Variants in SORL1 observed in about 807,000 individuals in gnomAD.
SORL1 encodes sortilin-related receptor.
SORL1 carries 127 observed loss-of-function variants against 273.7 expected under a neutral mutation model. The ratio of observed to expected loss-of-function variants is 0.46; its 90% CI spans 0.40 to 0.54. The LOEUF (loss-of-function observed/expected upper bound fraction) is 0.54. SORL1 is among the 20% of genes least tolerant of loss of function. The probability of loss-of-function intolerance (pLI) is 0.00; values close to 1 mark genes in which losing one functional copy is unlikely to be tolerated. For missense variants in SORL1, 2,494 were observed against 2,846.1 expected, an observed-to-expected ratio of 0.88 and a Z score of 2.81; for synonymous variants, 1,031 against 1,067.4, an observed-to-expected ratio of 0.97 and a Z score of 0.66.
At chr11:121,568,135 C>A (rs2134923607) in intron 22 of SORL1, among the ~76,000 whole-genome samples, 1 of 152,322 alleles carries the variant, frequency 6.6e-6, no homozygotes, top group African/African-American at 2.4e-5. Context: ...GATCCTCCCT[C>A]CTCTGCCTCC....
At position 121,452,580 on chromosome 11, in the gene SORL1, T is replaced by C; in HGVS notation, c.249T>C (p.Ala83=). 1.3e-6 allele frequency: 2 copies of C among 1,522,896 alleles called. No homozygotes were observed. The highest frequency in any genetic ancestry group is 1.8e-6 in the Non-Finnish European group (2 of 1,142,816). 94.3% of individuals were successfully genotyped at this position (1,522,896 alleles called of 1,614,324 possible). The change falls in exon 1 of 48, where the codon GCT becomes GCC. Residue 83 remains alanine (A), a synonymous_variant. Coordinates refer to ENST00000260197, the MANE Select transcript of SORL1 (RefSeq NM_003105.6). This position sits in a 1 kb window ranked among gnomAD's most constrained non-coding sequence, Gnocchi z 5.3. ...DEKPLRRKRS[A]ALQPEPIKVY... ...AGCCGCTCCGGAGGAAACGGAGCGC[T>C]GCCCTGCAGCCCGAGCCCATCAAGG...
intron 38 of SORL1, chr11:121,610,204 G>T (rs1322605017): frequency 1.3e-5 from 2 of 152,182 alleles, no homozygotes; most frequent in Non-Finnish European, 2.9e-5. Context: ...GCAAGTTGTT[G>T]TTTAAATAAT....
At chr11:121,487,814 C>G (rs1356065684) in intron 3 of SORL1, among the ~76,000 whole-genome samples, 1 of 152,192 alleles carries the variant, frequency 6.6e-6, no homozygotes, top group Non-Finnish European at 1.5e-5. Flanking sequence ...ATCTCCAGGC[C>G]TCCTTTCGCT....
At chr11:121,465,401 C>A (rs900974197) in intron 1 of SORL1, among the ~76,000 whole-genome samples, 1 of 152,136 alleles carries the variant, frequency 6.6e-6, no homozygotes, top group Non-Finnish European at 1.5e-5. Context: ...CAAGCCCCCC[C>A]GCCAAAAATG....
At chr11:121,478,632 G>A (rs1414067761) in intron 3 of SORL1, among the ~76,000 whole-genome samples, 4 of 152,202 alleles carry the variant, frequency 2.6e-5, no homozygotes, top group Non-Finnish European at 4.4e-5. Context: ...GTGCTTATGC[G>A]TGCTTGTATG....
chr11:121,570,341 G>C (rs1023105784), intron 23 of SORL1, 71 bp downstream of exon 23: 12 of 1,179,458 alleles, frequency 1.0e-5, no homozygotes, highest in African/African-American at 1.5e-5. Flanking sequence ...CCCAGGCTGA[G>C]GGCCTAAGGT....
intron 28 of SORL1, 145 bp downstream of exon 28, chr11:121,588,296 C>A: frequency 1.3e-6 from 1 of 792,908 alleles, no homozygotes; most frequent in East Asian, 2.9e-5. Flanking sequence ...AGTTGCACCT[C>A]TATTTAGCTT....
At chr11:121,543,495 C>G in intron 12 of SORL1, 53 bp from the exon 13 acceptor site, 2 of 1,471,764 alleles carry the variant, frequency 1.4e-6, no homozygotes, top group African/African-American at 2.8e-5. Context: ...GGAAACCAAG[C>G]CTTTGCCTTA....
chr11:121,558,471 TA>T, intron 19 of SORL1, 119 bp from the exon 20 acceptor site: 1 of 1,013,224 alleles, frequency 9.9e-7, no homozygotes, highest in East Asian at 2.4e-5. Flanking sequence ...ATTGTTATAA[TA>T]ATGCTGAAAT....
chr11:121,581,528 C>G (rs1863015231), intron 25 of SORL1, among the ~76,000 whole-genome samples: 1 of 151,792 alleles, frequency 6.6e-6, no homozygotes. Flanking sequence ...TAAAGTCCAT[C>G]TCTTCCATCC....
intron 3 of SORL1, among the ~76,000 whole-genome samples, chr11:121,485,141 A>G (rs183946938): frequency 1.5e-4 from 23 of 152,328 alleles, no homozygotes; most frequent in Non-Finnish European, 2.6e-4. Flanking sequence ...GAATGAGGTT[A>G]TATGAGCGTA....
chr11:121,582,543 G>T (rs1863028010), intron 25 of SORL1, among the ~76,000 whole-genome samples: 1 of 152,246 alleles, frequency 6.6e-6, no homozygotes, highest in Admixed American at 6.5e-5. Context: ...AGGAGTGTTG[G>T]TTGGGTTGGA....
chr11:121,477,362 T>G (rs1453519562), intron 2 of SORL1, among the ~76,000 whole-genome samples: 1 of 152,188 alleles, frequency 6.6e-6, no homozygotes, highest in African/African-American at 2.4e-5. Flanking sequence ...AGAAGAAGAA[T>G]GAAGAATTAG....
intron 26 of SORL1, among the ~76,000 whole-genome samples, chr11:121,585,546 A>C (rs1201952401): frequency 6.9e-6 from 1 of 145,038 alleles, no homozygotes; most frequent in Non-Finnish European, 1.5e-5. Flanking sequence ...CACTTATCAA[A>C]ATGGAAATGT....
Position 121,563,740 on chromosome 11 carries a change from A to G in SORL1, c.3050-3200A>G, listed in dbSNP as rs1370646428. ...GGTATAACTGGAATTTATTCTTTGT[A>G]AAGTGTGTTTTTTCTTTAAAGAGGT... On this transcript the variant is annotated intron_variant, in intron 21 of 47. Transcript: ENST00000260197. This position sits in a 1 kb window ranked among gnomAD's most constrained non-coding sequence, Gnocchi z 4.2. Among the ~76,000 whole-genome samples, 2 of 152,192 alleles carry G rather than the reference A, an allele frequency of 1.3e-5. No homozygotes were observed. Among genetic ancestry groups the G allele is most frequent in the African/African-American group, 2.4e-5 (1 of 41,444 alleles).
chr11:121,523,613 TAA>T (rs755456803), intron 11 of SORL1, among the ~76,000 whole-genome samples: 4 of 141,806 alleles, frequency 2.8e-5, no homozygotes, highest in Admixed American at 7.1e-5. Flanking sequence ...TCCAAACTTG[TAA>T]AAAAAAAAAA....
chr11:121,554,661 A>AT lies in SORL1; in HGVS notation c.2440-521dup, dbSNP rs1284294788. Among the ~76,000 whole-genome samples the AT allele has an allele frequency of 6.6e-6, 1 of 152,134 alleles. No individual in the cohort carries two copies. Among genetic ancestry groups the AT allele is most frequent in the African/African-American group, 2.4e-5 (1 of 41,414 alleles). ...CCTTTTAGAAAAGCAATTCCAACAA[A>AT]TTTTTATCTAGATTCCAACCCAACA... On this transcript the variant is annotated intron_variant, in intron 17 of 47. Coordinates refer to ENST00000260197, the MANE Select transcript of SORL1 (RefSeq NM_003105.6). The surrounding 1 kb of genome is among the most constrained non-coding windows in gnomAD (Gnocchi z 4.6).
intron 6 of SORL1, among the ~76,000 whole-genome samples, chr11:121,497,271 C>G (rs575252928): frequency 6.6e-6 from 1 of 152,158 alleles, no homozygotes; most frequent in Non-Finnish European, 1.5e-5. Flanking sequence ...GACAAACACT[C>G]AAAGTGGCTC....
chr11:121,547,066 G>C (rs1354523976), intron 14 of SORL1: 1 of 152,136 alleles, frequency 6.6e-6, no homozygotes, highest in Non-Finnish European at 1.5e-5. Flanking sequence ...AAAAGCACAG[G>C]GCTGGCTGAT....
Sources: gnomAD v4.1 joint callset for allele counts (sites outside exome capture counted in the v4.1 genomes callset) on GRCh38, gnomAD v4.1.1 for gene constraint, Gnocchi (gnomAD v3.1) non-coding constraint, MANE v1.5 for transcripts, NCBI Gene and HGNC (gene_info 2026-07-23, HGNC 2026-07-21) for gene names.